Variants in ADAMTSL1 observed in about 807,000 individuals in gnomAD.
The protein encoded by ADAMTSL1 is ADAMTS-like protein 1.
Under a neutral mutation model 201.8 loss-of-function variants are expected in ADAMTSL1, and 126 were observed. The observed-to-expected ratio is 0.62, with a 90% CI of 0.54 to 0.72. The LOEUF (loss-of-function observed/expected upper bound fraction) is 0.72. Among genes scored for constraint, ADAMTSL1 ranks in the 30% least tolerant of loss-of-function variants. The pLI is 0.00. For missense variants in ADAMTSL1, 2,679 were observed against 2,277.8 expected, an observed-to-expected ratio of 1.18 and a Z score of -3.59; for synonymous variants, 1,121 against 903.4, an observed-to-expected ratio of 1.24 and a Z score of -4.32.
At chr9:18,147,413 T>C (rs972869489) in intron 1 of ADAMTSL1, among the ~76,000 whole-genome samples, 1 of 152,102 alleles carries the variant, frequency 6.6e-6, no homozygotes, top group Non-Finnish European at 1.5e-5. Context: ...TGGGAATGGC[T>C]CACCACTTAG....
chr9:18,648,913 T>G (rs1055269172), intron 7 of ADAMTSL1, among the ~76,000 whole-genome samples: 133 of 152,312 alleles, frequency 8.7e-4, no homozygotes, highest in Non-Finnish European at 5.6e-4. Context: ...TCTCTGTATT[T>G]CCTGAATCTG....
intron 3 of ADAMTSL1, among the ~76,000 whole-genome samples, chr9:18,560,332 C>A (rs1483378570): frequency 6.6e-6 from 1 of 152,146 alleles, no homozygotes; most frequent in East Asian, 1.9e-4. Context: ...ATATGTTGAA[C>A]CAGCCTTGCA....
At chr9:18,479,613 G>A (rs926042986) in intron 1 of ADAMTSL1, among the ~76,000 whole-genome samples, 6 of 151,866 alleles carry the variant, frequency 4.0e-5, no homozygotes, top group African/African-American at 9.7e-5. Flanking sequence ...ATAGTTCTTG[G>A]GCTACTTTGC....
chr9:18,599,726 C>T (rs989748866), intron 4 of ADAMTSL1, among the ~76,000 whole-genome samples: 7 of 151,728 alleles, frequency 4.6e-5, no homozygotes, highest in Admixed American at 3.3e-4. Flanking sequence ...GTTCTGCACC[C>T]ATCATGGGCT....
At chr9:18,869,445 G>A (rs1827751044) in intron 23 of ADAMTSL1, among the ~76,000 whole-genome samples, 2 of 152,104 alleles carry the variant, frequency 1.3e-5, no homozygotes, top group African/African-American at 4.8e-5. Flanking sequence ...AGTTTCTGTT[G>A]TCTAATACCT....
chr9:18,156,378 G>A (rs1311405242), intron 1 of ADAMTSL1, among the ~76,000 whole-genome samples: 1 of 151,896 alleles, frequency 6.6e-6, no homozygotes, highest in Non-Finnish European at 1.5e-5. Context: ...AAGTATGGGT[G>A]GTATCCTGAC....
chr9:18,683,048 A>C (rs1280867111), intron 12 of ADAMTSL1, among the ~76,000 whole-genome samples: 1 of 152,166 alleles, frequency 6.6e-6, no homozygotes, highest in African/African-American at 2.4e-5. Context: ...TTAACTCCTG[A>C]CTATCGTCAG....
At chr9:18,747,903 A>C (rs1819238813) in intron 15 of ADAMTSL1, among the ~76,000 whole-genome samples, 1 of 152,202 alleles carries the variant, frequency 6.6e-6, no homozygotes, top group African/African-American at 2.4e-5. Flanking sequence ...CCAAGCTGAA[A>C]GCTTAAAATC....
At chr9:18,634,858 A>AAT (rs71333054) in intron 5 of ADAMTSL1, among the ~76,000 whole-genome samples, 54,467 of 118,692 alleles carry the variant, frequency 0.46, 11,187 homozygotes, top group South Asian at 0.59. Flanking sequence ...AGAATATGTA[A>AAT]ATATATATAT....
chr9:18,658,090 T>C (rs1828825070), intron 8 of ADAMTSL1, among the ~76,000 whole-genome samples: 1 of 150,926 alleles, frequency 6.6e-6, no homozygotes, highest in African/African-American at 2.4e-5. Context: ...TTCTCCTGCC[T>C]CAGCCTCCTG....
intron 9 of ADAMTSL1, among the ~76,000 whole-genome samples, chr9:18,666,075 G>T (rs1564132376): frequency 6.6e-6 from 1 of 152,116 alleles, no homozygotes; most frequent in South Asian, 2.1e-4. Context: ...AAGCAAGCCT[G>T]AATATCCATG....
At chr9:18,789,345 G>A (rs971635937) in intron 19 of ADAMTSL1, among the ~76,000 whole-genome samples, 2 of 152,154 alleles carry the variant, frequency 1.3e-5, no homozygotes, top group African/African-American at 4.8e-5. Flanking sequence ...TTTTATAAAT[G>A]AGGAAACTGT....
chr9:18,567,393 G>T (rs1480978527), intron 3 of ADAMTSL1, among the ~76,000 whole-genome samples: 1 of 152,120 alleles, frequency 6.6e-6, no homozygotes. Context: ...TTGAACCCAG[G>T]CAGTAGAAGT....
At chr9:18,095,203 G>A (rs764031297) in intron 1 of ADAMTSL1, among the ~76,000 whole-genome samples, 4 of 151,980 alleles carry the variant, frequency 2.6e-5, no homozygotes, top group Non-Finnish European at 5.9e-5. Flanking sequence ...TTACACACAT[G>A]CTCTGATGAA....
intron 2 of ADAMTSL1, among the ~76,000 whole-genome samples, chr9:18,436,259 G>T (rs936794770): frequency 6.6e-6 from 1 of 152,030 alleles, no homozygotes; most frequent in Non-Finnish European, 1.5e-5. Context: ...TTTAGGAGGA[G>T]GTGTCCAGCC....
At chr9:18,620,241 A>T (rs1825956491) in intron 4 of ADAMTSL1, among the ~76,000 whole-genome samples, 1 of 151,792 alleles carries the variant, frequency 6.6e-6, no homozygotes, top group Non-Finnish European at 1.5e-5. Context: ...ATGCTCTCAG[A>T]GTGTCATGTG....
At chr9:18,011,688 G>C (rs531990699) in intron 1 of ADAMTSL1, among the ~76,000 whole-genome samples, 1 of 152,032 alleles carries the variant, frequency 6.6e-6, no homozygotes, top group Non-Finnish European at 1.5e-5. Flanking sequence ...GAGCTCAAAG[G>C]AGTGTCAAAT....
At chr9:18,651,103 G>C (rs1828219391) in intron 7 of ADAMTSL1, 1 of 152,180 alleles carries the variant, frequency 6.6e-6, no homozygotes, top group South Asian at 2.1e-4. Flanking sequence ...TTTACCAGTG[G>C]TATACCCAGG....
At chr9:18,198,031 G>A (rs1563801954) in intron 2 of ADAMTSL1, among the ~76,000 whole-genome samples, 1 of 152,148 alleles carries the variant, frequency 6.6e-6, no homozygotes, top group African/African-American at 2.4e-5. Context: ...TTAATGAATG[G>A]TGCTGGGAAA....
Sources: allele counts gnomAD v4.1 joint callset (sites outside exome capture counted in the v4.1 genomes callset), GRCh38; gene constraint gnomAD v4.1.1; transcripts MANE v1.5; gene names NCBI Gene and HGNC (gene_info 2026-07-23, HGNC 2026-07-21).